Variants in NKAIN3 observed in about 807,000 individuals in gnomAD.
NKAIN3 encodes sodium/potassium transporting ATPase interacting 3.
In NKAIN3, 25 loss-of-function variants were observed where a neutral mutation model predicts 30.2. The ratio of observed to expected loss-of-function variants is 0.83; its 90% CI spans 0.60 to 1.16. The LOEUF (loss-of-function observed/expected upper bound fraction) is 1.16, where lower values mean the gene tolerates loss of function less well. NKAIN3 is among the 50% of genes most tolerant of loss of function. The pLI is 0.00. For missense variants in NKAIN3, 225 were observed against 254.1 expected (o/e 0.89, Z 0.78); for synonymous variants, 91 against 89.6 (o/e 1.02, Z -0.09).
chr8:62,643,225 T>C (rs1812360224), intron 3 of NKAIN3, among the ~76,000 whole-genome samples: 1 of 152,130 alleles, frequency 6.6e-6, no homozygotes, highest in East Asian at 1.9e-4. Flanking sequence ...ACAAGTTAGA[T>C]ATGACTTTAC....
At chr8:62,311,806 T>C (rs529891352) in intron 1 of NKAIN3, among the ~76,000 whole-genome samples, 1 of 150,396 alleles carries the variant, frequency 6.6e-6, no homozygotes, top group Non-Finnish European at 1.5e-5. Context: ...CTGCCTGAAA[T>C]AGTTGAAGTG....
At chr8:62,449,968 C>A (rs1223498027) in intron 1 of NKAIN3, among the ~76,000 whole-genome samples, 1 of 151,986 alleles carries the variant, frequency 6.6e-6, no homozygotes, top group East Asian at 1.9e-4. Context: ...AAATAATGAC[C>A]AAGGCATTTT....
intron 1 of NKAIN3, among the ~76,000 whole-genome samples, chr8:62,282,074 T>C (rs765611333): frequency 7.9e-5 from 12 of 152,058 alleles, no homozygotes; most frequent in Non-Finnish European, 1.6e-4. Flanking sequence ...AGAAATTAGA[T>C]GCACAAATCC....
intron 4 of NKAIN3, among the ~76,000 whole-genome samples, chr8:62,804,953 T>A (rs1402906907): frequency 6.6e-6 from 1 of 152,222 alleles, no homozygotes; most frequent in Non-Finnish European, 1.5e-5. Context: ...TTCAGCAAAG[T>A]CTCAGGATAC....
chr8:62,757,154 C>T (rs184693746), intron 4 of NKAIN3, among the ~76,000 whole-genome samples: 1 of 152,130 alleles, frequency 6.6e-6, no homozygotes, highest in African/African-American at 2.4e-5. Context: ...ATATTAGAGG[C>T]AAGAAAGCTA....
At chr8:62,935,169 A>G (rs1204041303) in intron 5 of NKAIN3, among the ~76,000 whole-genome samples, 1 of 152,134 alleles carries the variant, frequency 6.6e-6, no homozygotes, top group African/African-American at 2.4e-5. Context: ...AAATCCAACC[A>G]AACACAAGTA....
At chr8:62,920,233 A>G (rs1300020876) in intron 5 of NKAIN3, among the ~76,000 whole-genome samples, 1 of 152,228 alleles carries the variant, frequency 6.6e-6, no homozygotes, top group African/African-American at 2.4e-5. Context: ...ATCTCTTACA[A>G]AGTAGATACC....
At chr8:62,621,301 G>A (rs1253284790) in intron 3 of NKAIN3, among the ~76,000 whole-genome samples, 1 of 151,912 alleles carries the variant, frequency 6.6e-6, no homozygotes, top group African/African-American at 2.4e-5. Context: ...TGAGTTGAAT[G>A]GATGATCATG....
intron 1 of NKAIN3, among the ~76,000 whole-genome samples, chr8:62,463,204 T>A (rs149145136): frequency 3.3e-5 from 5 of 152,224 alleles, no homozygotes; most frequent in African/African-American, 1.2e-4. Context: ...ATCAACAAAA[T>A]GTGCAATGAA....
At chr8:62,496,631 C>A (rs879693229) in intron 1 of NKAIN3, among the ~76,000 whole-genome samples, 1 of 151,974 alleles carries the variant, frequency 6.6e-6, no homozygotes, top group Non-Finnish European at 1.5e-5. Flanking sequence ...TTCATGCATG[C>A]ATTTATTCAA....
intron 5 of NKAIN3, among the ~76,000 whole-genome samples, chr8:62,921,992 C>G (rs995067012): frequency 6.6e-6 from 1 of 152,260 alleles, no homozygotes; most frequent in South Asian, 2.1e-4. Flanking sequence ...CAAATTGCAA[C>G]TGGCACATTT....
At chr8:62,299,373 A>C (rs570709603) in intron 1 of NKAIN3, among the ~76,000 whole-genome samples, 1 of 152,146 alleles carries the variant, frequency 6.6e-6, no homozygotes, top group South Asian at 2.1e-4. Flanking sequence ...TGGAAGCCAC[A>C]GTGGCTTGGT....
At chr8:62,487,110 G>T (rs866253077) in intron 1 of NKAIN3, among the ~76,000 whole-genome samples, 3 of 152,282 alleles carry the variant, frequency 2.0e-5, no homozygotes, top group South Asian at 4.1e-4. Flanking sequence ...CAAAATAAAG[G>T]CCTGAACATT....
intron 1 of NKAIN3, among the ~76,000 whole-genome samples, chr8:62,434,772 AT>A (rs1805117928): frequency 1.3e-5 from 2 of 152,180 alleles, no homozygotes. Flanking sequence ...TTTCATAATA[AT>A]TAAATCTGGG....
chr8:62,721,811 G>A (rs1424322803), intron 3 of NKAIN3, among the ~76,000 whole-genome samples: 1 of 152,086 alleles, frequency 6.6e-6, no homozygotes, highest in Non-Finnish European at 1.5e-5. Flanking sequence ...GGTGAAATAG[G>A]GCAGAACATA....
chr8:62,354,269 C>G (rs1274278270), intron 1 of NKAIN3, among the ~76,000 whole-genome samples: 3 of 151,196 alleles, frequency 2.0e-5, no homozygotes, highest in Non-Finnish European at 2.9e-5. Flanking sequence ...GATCTTTTAG[C>G]CTACCTTCTT....
intron 1 of NKAIN3, among the ~76,000 whole-genome samples, chr8:62,522,299 T>TACA (rs1808183286): frequency 6.6e-6 from 1 of 152,132 alleles, no homozygotes; most frequent in African/African-American, 2.4e-5. Context: ...CATGTGTTTG[T>TACA]GGTGATGCTG....
chr8:62,961,756 A>G (rs1234473544), intron 6 of NKAIN3, among the ~76,000 whole-genome samples: 3 of 152,210 alleles, frequency 2.0e-5, no homozygotes, highest in Non-Finnish European at 4.4e-5. Context: ...TAACAGACTC[A>G]CATTACAAGG....
chr8:62,786,043 C>T (rs16918940), intron 4 of NKAIN3, among the ~76,000 whole-genome samples: 29,483 of 151,806 alleles, frequency 0.19, 3,282 homozygotes, highest in African/African-American at 0.29. Context: ...TTCTCCCATC[C>T]CTACTTCCAT....
Sources: gnomAD v4.1 joint callset for allele counts (sites outside exome capture counted in the v4.1 genomes callset) on GRCh38, gnomAD v4.1.1 for gene constraint, MANE v1.5 for transcripts, NCBI Gene and HGNC (gene_info 2026-07-23, HGNC 2026-07-21) for gene names.